Variants in PEX1 observed in about 807,000 individuals in gnomAD.
The protein encoded by PEX1 is peroxisomal ATPase PEX1.
In PEX1, 97 loss-of-function variants were observed where a neutral mutation model predicts 152.5. The ratio of observed to expected loss-of-function variants is 0.64; its 90% confidence interval spans 0.54 to 0.75. The LOEUF is 0.75. Ranked by LOEUF, PEX1 falls within the 30% of genes least tolerant of loss-of-function variation. The probability of loss-of-function intolerance (pLI) is 0.00; values close to 1 mark genes in which losing one functional copy is unlikely to be tolerated. For missense variants in PEX1, 1,357 were observed against 1,516.3 expected, an observed-to-expected ratio of 0.89 and a Z score of 1.74; for synonymous variants, 485 against 531.6, an observed-to-expected ratio of 0.91 and a Z score of 1.21.
chr7:92,496,884 G>T (rs974084807), intron 16 of PEX1, 107 bp from the exon 17 acceptor site: 3 of 753,092 alleles, frequency 4.0e-6, no homozygotes, highest in Admixed American at 1.9e-5. Flanking sequence ...ATGATTAAAT[G>T]GATGTCTTTT....
chr7:92,515,857 G>C (rs946144227), intron 5 of PEX1, among the ~76,000 whole-genome samples: 1 of 151,866 alleles, frequency 6.6e-6, no homozygotes, highest in African/African-American at 2.4e-5. Flanking sequence ...AGCCAGGAGT[G>C]GTGGCGCACA....
At position 92,513,938 on chromosome 7, in the gene PEX1, A is replaced by C; in HGVS notation, c.1269T>G (p.Asn423Lys). ...WIPDDLRKRL[N>K]IEMHAVVRIT... is the part of the protein sequence containing the mutation. ...TCCTGACTACGGCATGCATTTCTAT[A>C]TTTAGTCTCTTCCTCAGGTCATCTG... The change falls in exon 6 of 24, where the codon AAT (asparagine) becomes AAG (lysine). Residue 423 changes from asparagine (N) to lysine (K), a missense_variant. Physicochemically the swap from Asn to Lys is moderately conservative, Grantham distance 94. Transcript: ENST00000248633. The C allele has an allele frequency of 6.3e-7, 1 of 1,584,980 alleles. No homozygotes were observed. Among genetic ancestry groups the C allele is most frequent in the Non-Finnish European group, 8.7e-7 (1 of 1,155,018 alleles).
chr7:92,511,832 G>T, intron 6 of PEX1, 129 bp from the exon 7 acceptor site: 1 of 807,354 alleles, frequency 1.2e-6, no homozygotes. Flanking sequence ...GGATGTTCAT[G>T]TTCTATAGGC....
Position 92,494,476 on chromosome 7 carries a change from A to C in PEX1, c.2926+11T>G, listed in dbSNP as rs755713173. On this transcript the variant is annotated intron_variant, in intron 18 of 23. Transcript: ENST00000248633. ...GTTATAACATTCTATTTCTGTATTTATAATTATTACCCTGTAAGCCTTCTA... is the reference window on the plus strand; with the variant it reads ...GTTATAACATTCTATTTCTGTATTTCTAATTATTACCCTGTAAGCCTTCTA... 6.2e-6 allele frequency: 10 copies of C among 1,613,170 alleles called. No individual in the cohort carries two copies. The highest frequency in any genetic ancestry group is 8.5e-6 in the Non-Finnish European group (10 of 1,179,252).
chr7:92,508,820 A>G (rs1480002777), intron 9 of PEX1, among the ~76,000 whole-genome samples: 1 of 152,132 alleles, frequency 6.6e-6, no homozygotes, highest in Non-Finnish European at 1.5e-5. Context: ...TTTTTTAAAT[A>G]TTTGTTTTAA....
chr7:92,493,969 G>GTTT, intron 19 of PEX1: 1 of 282,828 alleles, frequency 3.5e-6, no homozygotes, highest in Non-Finnish European at 6.8e-6. Flanking sequence ...CTGTATCAGA[G>GTTT]TTTTTTTTTT....
In PEX1 at chr7:92,511,579, C is replaced by G; in HGVS notation, c.1483+1G>C. On this transcript the variant is annotated splice_donor_variant, in intron 7 of 23. Coordinates refer to ENST00000248633, the MANE Select transcript of PEX1 (RefSeq NM_000466.3). LOFTEE classifies it high-confidence loss of function. ...AAAGTCAAAATAACAAATGTACTCA[C>G]CATCTTTAGTTTCCAGCTTAATAAA... The G allele has an allele frequency of 6.2e-7, 1 of 1,609,696 alleles. No homozygotes were observed. The highest frequency in any genetic ancestry group is 8.5e-7 in the Non-Finnish European group (1 of 1,177,030).
At chr7:92,488,954 G>T (rs189903569) in intron 23 of PEX1, among the ~76,000 whole-genome samples, 1 of 152,076 alleles carries the variant, frequency 6.6e-6, no homozygotes, top group African/African-American at 2.4e-5. Context: ...GGCTTGCCTC[G>T]AACTCCTGAC....
At chr7:92,497,603 C>T (rs566004469) in intron 16 of PEX1, among the ~76,000 whole-genome samples, 1 of 152,092 alleles carries the variant, frequency 6.6e-6, no homozygotes, top group East Asian at 1.9e-4. Context: ...GTCCTAAAGT[C>T]ATCTCTAGTG....
At chr7:92,520,746 CAG>C (rs140667450) in intron 2 of PEX1, among the ~76,000 whole-genome samples, 1 of 151,710 alleles carries the variant, frequency 6.6e-6, no homozygotes, top group Admixed American at 6.6e-5. Flanking sequence ...AAGACGCACA[CAG>C]AGAGAGAGAG....
intron 5 of PEX1, 84 bp downstream of exon 5, chr7:92,517,192 A>T: frequency 9.3e-7 from 1 of 1,080,702 alleles, no homozygotes; most frequent in Non-Finnish European, 1.4e-6. Flanking sequence ...TTTTCAATTT[A>T]TATATGAAAT....
chr7:92,516,048 G>GAA (rs1349969074), intron 5 of PEX1, among the ~76,000 whole-genome samples: 81 of 92,036 alleles, frequency 8.8e-4, no homozygotes, highest in African/African-American at 2.3e-3. Context: ...GAAGAGAAGA[G>GAA]AAGAGAAAAA....
Position 92,506,806 on chromosome 7 carries a change from TCCC to T in PEX1, c.1803+185_1803+187del, listed in dbSNP as rs150645900. 0.03 allele frequency: 18,330 copies of T among 620,178 alleles called. 347 individuals carry two copies. The highest frequency in any genetic ancestry group is 0.041 in the Non-Finnish European group (14,646 of 353,272). 38.4% of individuals were successfully genotyped at this position (620,178 alleles called of 1,614,324 possible). ...GAACATCAGTCTTATTCGTCATCAC[TCCC>T]CCAACACCTAAAAGCAGACACACAG... On this transcript the variant is annotated intron_variant, in intron 10 of 23. Transcript: ENST00000248633.
At chr7:92,515,797 T>G (rs567992584) in intron 5 of PEX1, among the ~76,000 whole-genome samples, 1 of 150,342 alleles carries the variant, frequency 6.7e-6, no homozygotes, top group South Asian at 2.1e-4. Context: ...AGTTCAAGAC[T>G]AGCCTGGCCA....
chr7:92,506,537 C>T (rs1183935064), intron 10 of PEX1, 193 bp from the exon 11 acceptor site: 3 of 586,814 alleles, frequency 5.1e-6, no homozygotes, highest in Non-Finnish European at 9.1e-6. Context: ...CAGACAAAGA[C>T]AACACAAAAA....
Position 92,489,876 on chromosome 7 carries a change from A to G in PEX1, c.3474T>C (p.Thr1158=), listed in dbSNP as rs1397102799. The stretch of plus-strand genomic sequence containing the variant: ...TCCCAGGAACTCCAGGCAAATCCTG[A>G]GTCATGGAGCTTGGTGCAGAGAGAC... ...SQCLSAPSSM[T]QDLPGVPGKD... Residue 1158 remains threonine, a synonymous_variant, in exon 22 of 24, where the codon ACT becomes ACC. Coordinates refer to ENST00000248633, the MANE Select transcript of PEX1 (RefSeq NM_000466.3). 1 of 1,613,968 alleles carries G rather than the reference A, an allele frequency of 6.2e-7. No individual in the cohort carries two copies. Among genetic ancestry groups the G allele is most frequent in the Non-Finnish European group, 8.5e-7 (1 of 1,179,998 alleles).
At chr7:92,500,550 G>A (rs570038179) in intron 15 of PEX1, among the ~76,000 whole-genome samples, 2 of 152,260 alleles carry the variant, frequency 1.3e-5, no homozygotes, top group African/African-American at 4.8e-5. Flanking sequence ...TCCCAGCATC[G>A]GGGTCATGAT....
intron 21 of PEX1, among the ~76,000 whole-genome samples, chr7:92,490,788 G>C (rs1236682776): frequency 1.3e-5 from 2 of 152,146 alleles, no homozygotes; most frequent in Admixed American, 1.3e-4. Flanking sequence ...AATGCTAGTA[G>C]AACAGTGATA....
chr7:92,489,694 T>G lies in PEX1; in HGVS notation c.3636+20A>C. 2 of 1,601,182 alleles carry G rather than the reference T, an allele frequency of 1.2e-6. No homozygotes were observed. Among genetic ancestry groups the G allele is most frequent in the Non-Finnish European group, 1.7e-6 (2 of 1,168,258 alleles). On this transcript the variant is annotated intron_variant, in intron 22 of 23. Coordinates refer to ENST00000248633, the MANE Select transcript of PEX1 (RefSeq NM_000466.3). ...TTTTAAGAAGTTTTAACAATTATAA[T>G]GAGGGGGAAAAAGCCATACTCCACT...
Sources: gnomAD v4.1 joint callset for allele counts (sites outside exome capture counted in the v4.1 genomes callset) on GRCh38, gnomAD v4.1.1 for gene constraint, MANE v1.5 for transcripts, NCBI Gene and HGNC (gene_info 2026-07-23, HGNC 2026-07-21) for gene names.